Variants in BCORL1 observed in about 807,000 individuals in gnomAD.
BCORL1 encodes BCL6 corepressor like 1, also known as BCL-6 corepressor-like protein 1.
A neutral mutation model predicts 87.6 loss-of-function variants in BCORL1; 7 were observed. The ratio of observed to expected loss-of-function variants is 0.08; its 90% CI spans 0.05 to 0.15. The LOEUF is 0.15. Ranked by LOEUF, BCORL1 falls within the 10% of genes least tolerant of loss-of-function variation. The pLI is 1.00. For missense variants in BCORL1, 1,215 were observed against 1,499.7 expected, an observed-to-expected ratio of 0.81 and a Z score of 3.13; for synonymous variants, 591 against 634.4, an observed-to-expected ratio of 0.93 and a Z score of 1.03.
In BCORL1 at chrX:129,989,313, T is replaced by C. The variant is rs1338315808; in HGVS notation, c.-45+6551T>C. On this transcript the variant is annotated intron_variant, in intron 1 of 13. Transcript: ENST00000540052. Reference sequence around the variant, plus strand: ...ACCATGCCCGGCTAATTTTTTTTTTTTTTTTTTTTTTTTTAGTAGAGACGG... The same window carrying C: ...ACCATGCCCGGCTAATTTTTTTTTTCTTTTTTTTTTTTTTAGTAGAGACGG... Among the ~76,000 whole-genome samples, 7 of 100,411 alleles carry C rather than the reference T, an allele frequency of 7.0e-5. No homozygotes were observed. In the Admixed American group the frequency reaches 7.6e-4, roughly 11 times the overall value. The allele number at this position is 100,411 out of a possible 115,157, so 87.2% of individuals were successfully genotyped here. A position where few individuals can be genotyped will look rare whatever the true frequency, so the allele number is the denominator to read the frequency against.
chrX:129,988,825 A>G (rs1167898821), intron 1 of BCORL1, among the ~76,000 whole-genome samples: 1 of 111,853 alleles, frequency 8.9e-6, no homozygotes, highest in Non-Finnish European at 1.9e-5. Flanking sequence ...TATAATGCTG[A>G]TGTCCAGGGA....
rs1255327956 is a variant in BCORL1, at chrX:130,057,054, T to C, written c.*918T>C. On this transcript the variant is annotated 3_prime_UTR_variant, in exon 14 of 14. Coordinates refer to ENST00000540052, the MANE Select transcript of BCORL1 (RefSeq NM_001379451.1). ...CCCCCTCAGAGTGCACAATACGAGT[T>C]TGTTCCTGCCTCCACTCTCCCACCC... The C allele has an allele frequency of 9.2e-6, 1 of 108,545 alleles. No homozygotes were observed. Among genetic ancestry groups the C allele is most frequent in the African/African-American group, 3.4e-5 (1 of 29,707 alleles). The allele number at this position is 108,545 out of a possible 1,213,427, so 8.9% of individuals were successfully genotyped here.
chrX:130,003,110 G>T (rs1210055165), intron 1 of BCORL1, among the ~76,000 whole-genome samples: 3 of 111,482 alleles, frequency 2.7e-5, no homozygotes, highest in Admixed American at 9.5e-5. Flanking sequence ...CTGGTCTCCT[G>T]GCTCTCCCTT....
At chrX:130,043,886 C>T (rs1316763860) in intron 11 of BCORL1, among the ~76,000 whole-genome samples, 2 of 97,265 alleles carry the variant, frequency 2.1e-5, no homozygotes, top group Non-Finnish European at 4.1e-5. Context: ...TCTCCTGCCT[C>T]AGCCTCCGGA....
chrX:130,039,562 C>T (rs59588335), intron 11 of BCORL1, among the ~76,000 whole-genome samples: 431 of 113,229 alleles, frequency 3.8e-3, no homozygotes, highest in African/African-American at 0.013. Flanking sequence ...TAGGGTGGGC[C>T]TCTGTGTGGG....
intron 2 of BCORL1, among the ~76,000 whole-genome samples, chrX:130,009,085 G>C (rs1162211102): frequency 1.8e-5 from 2 of 111,913 alleles, no homozygotes; most frequent in Non-Finnish European, 3.8e-5. Context: ...ATAAGGAAAG[G>C]CTTCCCAGAG....
intron 1 of BCORL1, among the ~76,000 whole-genome samples, chrX:129,999,245 G>A (rs1433566207): frequency 4.9e-5 from 5 of 101,819 alleles, no homozygotes; most frequent in African/African-American, 1.8e-4. Flanking sequence ...AATACCTGCT[G>A]CCTATAGATA....
intron 1 of BCORL1, among the ~76,000 whole-genome samples, chrX:129,988,645 T>C (rs769198791): frequency 7.2e-5 from 8 of 111,775 alleles, no homozygotes; most frequent in Non-Finnish European, 1.3e-4. Flanking sequence ...TAAGAAAACC[T>C]TAAGCTGAAG....
rs776830135 is a variant in BCORL1, at chrX:130,052,027, G to A, written c.5075+11G>A. On this transcript the variant is annotated intron_variant, in intron 13 of 13. Coordinates refer to ENST00000540052, the MANE Select transcript of BCORL1 (RefSeq NM_001379451.1). ...GTCAGTGTCCCGCGGGTAAGTGTCC[G>A]AGAGATCCACGGTGACTGAGTGTCA... 1.3e-5 allele frequency: 15 copies of A among 1,174,985 alleles called. No individual in the cohort carries two copies. The highest frequency in any genetic ancestry group is 7.1e-5 in the African/African-American group (4 of 56,317).
intron 6 of BCORL1, 29 bp downstream of exon 6, chrX:130,023,006 T>G: frequency 1.8e-6 from 2 of 1,119,899 alleles, no homozygotes; most frequent in African/African-American, 3.6e-5. Flanking sequence ...ATGGCCCCTC[T>G]CAGCATCTTC....
At chrX:130,049,277 G>A (rs1931941344) in intron 11 of BCORL1, among the ~76,000 whole-genome samples, 1 of 112,416 alleles carries the variant, frequency 8.9e-6, no homozygotes, top group Non-Finnish European at 1.9e-5. Flanking sequence ...TTCATCAGTT[G>A]GTGGGCATTT....
chrX:130,022,955 C>T lies in BCORL1; in HGVS notation c.3666C>T (p.Ser1222=), dbSNP rs1255496399. 1 of 1,209,633 alleles carries T rather than the reference C, an allele frequency of 8.3e-7. No homozygotes were observed. The highest frequency in any genetic ancestry group is 1.8e-5 in the South Asian group (1 of 56,939). ...SFRDFIPVVL[S]TRTRSQSGSI... is the part of the protein sequence containing the mutation. ...GTGACTTTATTCCTGTGGTTCTGAG[C>T]ACCCGCACGCGCAGTCAGTCTGGTG... The change falls in exon 6 of 14, where the codon AGC becomes AGT. Residue 1222 remains serine, a synonymous_variant. Transcript: ENST00000540052.
At chrX:129,994,749 C>T (rs1927427947) in intron 1 of BCORL1, among the ~76,000 whole-genome samples, 1 of 110,708 alleles carries the variant, frequency 9.0e-6, no homozygotes, top group Non-Finnish European at 1.9e-5. Context: ...ATACAATATG[C>T]CTTATAAGAC....
intron 1 of BCORL1, among the ~76,000 whole-genome samples, chrX:130,004,707 A>G (rs1249401722): frequency 2.7e-5 from 3 of 112,063 alleles, no homozygotes; most frequent in Non-Finnish European, 3.8e-5. Context: ...AGGACTTACG[A>G]AAAAAAGCAT....
chrX:130,014,150 C>G lies in BCORL1; in HGVS notation c.1378C>G (p.Pro460Ala). 1 of 1,211,407 alleles carries G rather than the reference C, an allele frequency of 8.3e-7. No homozygotes were observed. The change falls in exon 4 of 14, where the codon CCA (proline) becomes GCA (alanine). Residue 460 changes from proline (P) to alanine (A), a missense_variant. Around this residue, in one of 5 missense-constraint regions of BCORL1, gnomAD observed 861 missense variants for 1,010.0 expected, o/e 0.85. Transcript: ENST00000540052. ...TATCCCGCCTCCAAGCTGTGGGCAG[C>G]CACTCAGTGTGGCCACACTGCCAAC... is the stretch of plus-strand genomic sequence containing the variant. ...VYIPPPSCGQPLSVATLPTTL... is the reference protein window; with the variant it reads ...VYIPPPSCGQALSVATLPTTL...
At chrX:130,042,662 A>G (rs1382349283) in intron 11 of BCORL1, among the ~76,000 whole-genome samples, 1 of 111,912 alleles carries the variant, frequency 8.9e-6, no homozygotes, top group Non-Finnish European at 1.9e-5. Context: ...AATTTACCTA[A>G]CATAATCATT....
Position 130,056,001 on chromosome X carries a change from C to T in BCORL1, c.5223C>T (p.Thr1741=). ...YRQVASSQLL[T]PAERPGGLDD... ...AGGTGGCCTCCAGTCAGCTGCTGAC[C>T]CCTGCCGAGAGGCCTGGAGGCTTGG... is the stretch of plus-strand genomic sequence containing the variant. Residue 1741 remains threonine (T), a synonymous_variant, in exon 14 of 14, where the codon ACC becomes ACT. Coordinates refer to ENST00000540052, the MANE Select transcript of BCORL1 (RefSeq NM_001379451.1). 8.2e-7 allele frequency: 1 copy of T among 1,212,243 alleles called. No homozygotes were observed. The highest frequency in any genetic ancestry group is 1.1e-6 in the Non-Finnish European group (1 of 895,606).
rs193122613 is a variant in BCORL1 at position 130,009,824 on chromosome X, G to C, written c.87-2754G>C. On this transcript the variant is annotated intron_variant, in intron 2 of 13. Transcript: ENST00000540052. ...CTGACTGAAGCCTGCTATGACCTCTGTTCCCTCCTGCCGCCCGCCTCCGCC... is the reference window on the plus strand; with the variant it reads ...CTGACTGAAGCCTGCTATGACCTCTCTTCCCTCCTGCCGCCCGCCTCCGCC... 5.1e-4 allele frequency among the ~76,000 whole-genome samples: 57 copies of C among 111,137 alleles called. 1 individual carries two copies. Among genetic ancestry groups the C allele is most frequent in the Middle Eastern group, 9.2e-3 (2 of 218 alleles).
intron 2 of BCORL1, among the ~76,000 whole-genome samples, chrX:130,005,794 T>C (rs1267860108): frequency 1.8e-5 from 2 of 108,371 alleles, no homozygotes; most frequent in Non-Finnish European, 3.8e-5. Flanking sequence ...TTTTTTTTTT[T>C]TTTGTAGTTT....
Sources: gnomAD v4.1 joint callset for allele counts (sites outside exome capture counted in the v4.1 genomes callset) on GRCh38, gnomAD v4.1.1 for gene constraint, gnomAD v4.1.1 regional missense constraint, MANE v1.5 for transcripts, NCBI Gene and HGNC (gene_info 2026-07-23, HGNC 2026-07-21) for gene names.